The following TMEM67 variants were observed in gnomAD, a reference collection of about 807,000 sequenced individuals.
The protein encoded by TMEM67 is meckelin.
Under a neutral mutation model 136.6 loss-of-function variants are expected in TMEM67, and 124 were observed. That is an observed-to-expected ratio of 0.91 (90% confidence interval 0.78 to 1.05). The LOEUF (loss-of-function observed/expected upper bound fraction) is 1.05, where lower values mean the gene tolerates loss of function less well. Ranked by LOEUF, TMEM67 falls within the 50% of genes least tolerant of loss-of-function variation. TMEM67 has a pLI of 0.00. For missense variants in TMEM67, 1,107 were observed against 1,178.4 expected (o/e 0.94, Z 0.89); for synonymous variants, 364 against 390.5 (o/e 0.93, Z 0.80).
Position 93,815,397 on chromosome 8 carries a change from G to A in TMEM67, c.2857G>A (p.Ala953Thr), listed in dbSNP as rs1476642133. The A allele has an allele frequency of 6.2e-7, 1 of 1,612,942 alleles. No individual in the cohort carries two copies. Among genetic ancestry groups the A allele is most frequent in the Non-Finnish European group, 8.5e-7 (1 of 1,179,680 alleles). The change falls in exon 27 of 28, where the codon GCT becomes ACT. Residue 953 changes from alanine (A) to threonine (T), a missense_variant. By Grantham distance (58) the Ala-to-Thr change is moderately conservative (BLOSUM62 0). Around this residue, in one of 3 missense-constraint regions of TMEM67, gnomAD observed 925 missense variants for 1,002.4 expected, o/e 0.92. Coordinates refer to ENST00000453321, the MANE Select transcript of TMEM67 (RefSeq NM_153704.6). ...GCTGTTCTTCTGTGTTGTGGATTTG[G>A]CTTGCCAAAATTTTATTTTAGCATC... is the stretch of plus-strand genomic sequence containing the variant. ...DLLFFCVVDLACQNFILASFL... is the reference protein window; with the variant it reads ...DLLFFCVVDLTCQNFILASFL...
At chr8:93,794,133 G>T (rs570944915) in intron 16 of TMEM67, among the ~76,000 whole-genome samples, 2 of 151,816 alleles carry the variant, frequency 1.3e-5, no homozygotes, top group Non-Finnish European at 1.5e-5. Context: ...CTCATGATCC[G>T]CCCACCTCAG....
In TMEM67 at chr8:93,780,683, G is replaced by A; in HGVS notation, c.805G>A (p.Gly269Arg). ...SYDFATFDAC[G>R]LFQFIFENTA... ...CGACTTTGCCACATTTGATGCATGT[G>A]GACTATTTCAGTTTATCTTTGAAAA... Residue 269 changes from glycine (G) to arginine (R), a missense_variant, in exon 8 of 28, where the codon GGA becomes AGA. Gly to Arg is a moderately radical substitution (Grantham distance 125). Around this residue, in one of 3 missense-constraint regions of TMEM67, gnomAD observed 925 missense variants for 1,002.4 expected, o/e 0.92. Coordinates refer to ENST00000453321, the MANE Select transcript of TMEM67 (RefSeq NM_153704.6). 1 of 1,613,932 alleles carries A rather than the reference G, an allele frequency of 6.2e-7. No individual in the cohort carries two copies. The highest frequency in any genetic ancestry group is 1.1e-5 in the South Asian group (1 of 91,076).
intron 14 of TMEM67, among the ~76,000 whole-genome samples, chr8:93,788,839 C>T (rs1814240171): frequency 6.6e-6 from 1 of 152,170 alleles, no homozygotes; most frequent in African/African-American, 2.4e-5. Flanking sequence ...CCTGGGAGGG[C>T]CTACGTATGG....
chr8:93,779,800 A>T (rs1196917252), intron 7 of TMEM67, among the ~76,000 whole-genome samples: 2 of 152,126 alleles, frequency 1.3e-5, no homozygotes, highest in East Asian at 3.9e-4. Flanking sequence ...CCCTACTGGG[A>T]GGTGTCTCCC....
chr8:93,782,484 A>G (rs200290371), intron 11 of TMEM67, 24 bp downstream of exon 11: 9 of 1,571,944 alleles, frequency 5.7e-6, no homozygotes, highest in East Asian at 2.2e-5. Flanking sequence ...ATATTAGTCT[A>G]TATTTTAGCT....
chr8:93,796,221 A>G (rs1477581506), intron 18 of TMEM67, among the ~76,000 whole-genome samples: 1 of 152,212 alleles, frequency 6.6e-6, no homozygotes, highest in Admixed American at 6.5e-5. Context: ...CTTATTTGAT[A>G]AAATGATATT....
chr8:93,766,441 A>G (rs1019145276), intron 6 of TMEM67, among the ~76,000 whole-genome samples: 6 of 152,122 alleles, frequency 3.9e-5, no homozygotes, highest in Admixed American at 6.6e-5. Flanking sequence ...TTTGTGGATG[A>G]GAGCATTGAG....
At position 93,817,247 on chromosome 8, in the gene TMEM67, T is replaced by A. The variant is rs933403832; in HGVS notation, c.*795T>A. On this transcript the variant is annotated 3_prime_UTR_variant, in exon 28 of 28. Coordinates refer to ENST00000453321, the MANE Select transcript of TMEM67 (RefSeq NM_153704.6). ...TTTAAAGACTGTAAATAACAAACAG[T>A]AAGGCTGGGCGCTGTGGCTTACGCC... 6.6e-6 allele frequency: 1 copy of A among 152,212 alleles called. No homozygotes were observed. The highest frequency in any genetic ancestry group is 2.4e-5 in the African/African-American group (1 of 41,454). The allele number at this position is 152,212 out of a possible 1,614,324, so 9.4% of individuals were successfully genotyped here. A position where few individuals can be genotyped will look rare whatever the true frequency, so the allele number is the denominator to read the frequency against.
chr8:93,808,509 TATATATATTTATAA>T (rs1808547802), intron 23 of TMEM67, among the ~76,000 whole-genome samples: 1 of 129,106 alleles, frequency 7.7e-6, no homozygotes, highest in Admixed American at 7.8e-5. Context: ...TATAGATGAA[TATATATATTTATAA>T]TCTATATATA....
chr8:93,789,892 G>A (rs1814297964), intron 14 of TMEM67, among the ~76,000 whole-genome samples: 1 of 151,388 alleles, frequency 6.6e-6, no homozygotes, highest in Non-Finnish European at 1.5e-5. Flanking sequence ...CCAACACGGT[G>A]AAACCCTGTC....
At chr8:93,813,312 G>T (rs1201655314) in intron 26 of TMEM67, among the ~76,000 whole-genome samples, 1 of 152,054 alleles carries the variant, frequency 6.6e-6, no homozygotes, top group Non-Finnish European at 1.5e-5. Context: ...CCAAGTAGCT[G>T]GGATTACAGG....
chr8:93,814,135 CTTT>C (rs55774610), intron 26 of TMEM67, among the ~76,000 whole-genome samples: 3 of 60,792 alleles, frequency 4.9e-5, no homozygotes, highest in South Asian at 6.4e-4. Flanking sequence ...TATATGTATA[CTTT>C]TTTTTTTTTT....
At chr8:93,828,854 CTAT>C in the TMEM67 span, among the ~76,000 whole-genome samples, 1 of 151,722 alleles carries the variant, frequency 6.6e-6, no homozygotes, top group East Asian at 1.9e-4. Flanking sequence ...GCAAACAAGA[CTAT>C]TGTTAGTCAA....
downstream of TMEM67, among the ~76,000 whole-genome samples, chr8:93,821,212 G>A (rs1809036085): frequency 6.6e-6 from 1 of 152,218 alleles, no homozygotes; most frequent in Admixed American, 6.5e-5. Context: ...ATTTAAATGT[G>A]AAAGGGTAAA....
chr8:93,771,486 C>T (rs908796228), intron 6 of TMEM67, among the ~76,000 whole-genome samples: 2 of 152,014 alleles, frequency 1.3e-5, no homozygotes, highest in Non-Finnish European at 2.9e-5. Context: ...TTTAATAGTT[C>T]CATAATATTC....
At chr8:93,818,593 G>A (rs1808984853), downstream of TMEM67, among the ~76,000 whole-genome samples, 1 of 152,156 alleles carries the variant, frequency 6.6e-6, no homozygotes, top group African/African-American at 2.4e-5. Context: ...GTAAGTCAAG[G>A]AGCAGTGAGG....
intron 3 of TMEM67, chr8:93,759,520 T>C (rs1812729790): frequency 6.6e-6 from 1 of 151,022 alleles, no homozygotes; most frequent in Non-Finnish European, 1.5e-5. Context: ...TTTGATTGTA[T>C]GTTTAAAACA....
At chr8:93,807,897 T>C (rs182667422) in intron 23 of TMEM67, among the ~76,000 whole-genome samples, 9 of 152,092 alleles carry the variant, frequency 5.9e-5, no homozygotes, top group Admixed American at 5.2e-4. Flanking sequence ...ATATTTGTGG[T>C]TGTCAGGATC....
At chr8:93,828,633 G>A in the TMEM67 span, among the ~76,000 whole-genome samples, 3 of 152,094 alleles carry the variant, frequency 2.0e-5, no homozygotes, top group East Asian at 3.9e-4. Flanking sequence ...CCAGCTACTC[G>A]GGGGGTGGGG....
Sources: gnomAD v4.1 joint callset for allele counts (sites outside exome capture counted in the v4.1 genomes callset) on GRCh38, gnomAD v4.1.1 for gene constraint, gnomAD v4.1.1 regional missense constraint, MANE v1.5 for transcripts, NCBI Gene and HGNC (gene_info 2026-07-23, HGNC 2026-07-21) for gene names.